Variants in PKD1L3 observed in about 807,000 individuals in gnomAD.
The protein encoded by PKD1L3 is polycystin 1 like 3, transient receptor potential channel interacting.
Under a neutral mutation model 184.1 loss-of-function variants are expected in PKD1L3, and 239 were observed. The observed-to-expected ratio is 1.30, with a 90% CI of 1.17 to 1.45. The LOEUF is 1.45. Among genes scored for constraint, PKD1L3 ranks in the 40% most tolerant of loss-of-function variants. The probability of loss-of-function intolerance (pLI) is 0.00; values close to 1 mark genes in which losing one functional copy is unlikely to be tolerated. For missense variants in PKD1L3, 2,660 were observed against 2,067.2 expected (o/e 1.29, Z -5.56); for synonymous variants, 996 against 778.8 (o/e 1.28, Z -4.64).
At chr16:71,944,240 G>T (rs1315299166) in intron 22 of PKD1L3, 70 bp from the exon 23 acceptor site, 2 of 1,382,158 alleles carry the variant, frequency 1.4e-6, no homozygotes, top group Non-Finnish European at 2.0e-6. Context: ...CATTCATTGA[G>T]CATCTACTGT....
intron 21 of PKD1L3, 105 bp from the exon 22 acceptor site, chr16:71,947,696 T>G (rs1597300108): frequency 1.4e-6 from 1 of 724,538 alleles, no homozygotes; most frequent in East Asian, 2.8e-5. Flanking sequence ...CTTCAATTAT[T>G]TGGCTCTTCA....
Position 71,951,666 on chromosome 16 carries a change from A to G in PKD1L3, c.3088T>C (p.Ser1030Pro). The stretch of plus-strand genomic sequence containing the variant: ...TTCACCAGCTTAGTAATGTCCCAAG[A>G]ACTCCATGGCGGCTGCTCACACTTG... ...LSKCEQPPWSSWDITKLVKLL... is the reference protein window; with the variant it reads ...LSKCEQPPWSPWDITKLVKLL... The change falls in exon 19 of 30, where the codon TCT (serine) becomes CCT (proline). Residue 1030 changes from serine (S) to proline (P), a missense_variant. Coordinates refer to ENST00000620267, the MANE Select transcript of PKD1L3 (RefSeq NM_181536.2). 2 of 1,551,708 alleles carry G rather than the reference A, an allele frequency of 1.3e-6. No homozygotes were observed. The highest frequency in any genetic ancestry group is 1.2e-5 in the South Asian group (1 of 84,066).
At chr16:71,960,469 A>G (rs1025631688) in intron 16 of PKD1L3, among the ~76,000 whole-genome samples, 1 of 152,146 alleles carries the variant, frequency 6.6e-6, no homozygotes, top group Non-Finnish European at 1.5e-5. Flanking sequence ...CAGTATGTCA[A>G]CTTTCTTTAG....
chr16:71,986,846 G>A (rs554448450), intron 4 of PKD1L3, among the ~76,000 whole-genome samples: 67 of 149,536 alleles, frequency 4.5e-4, no homozygotes, highest in African/African-American at 1.1e-3. Flanking sequence ...TACGTGCTAT[G>A]AAGAAAACAA....
rs775600113 is a variant in PKD1L3, at chr16:71,969,870, A to C, written c.2184+5T>G. 83 of 1,541,884 alleles carry C rather than the reference A, an allele frequency of 5.4e-5. No individual in the cohort carries two copies. The highest frequency in any genetic ancestry group is 7.0e-5 in the Non-Finnish European group (80 of 1,139,152). ...GCAAATCTGTTGAAATCAAAGTCTC[A>C]TTACCTTCTGCATATCTGCTTGATC... On this transcript the variant is annotated splice_donor_5th_base_variant and intron_variant, in intron 13 of 29. Coordinates refer to ENST00000620267, the MANE Select transcript of PKD1L3 (RefSeq NM_181536.2).
intron 3 of PKD1L3, among the ~76,000 whole-genome samples, chr16:71,991,951 G>T (rs984526349): frequency 2.0e-5 from 3 of 152,132 alleles, no homozygotes; most frequent in South Asian, 4.1e-4. Context: ...GAGACTATAG[G>T]CATGGACCAC....
intron 16 of PKD1L3, 76 bp downstream of exon 16, chr16:71,963,129 A>AAACAATTCAATCGTG (rs1277893372): frequency 7.4e-7 from 1 of 1,358,984 alleles, no homozygotes; most frequent in Non-Finnish European, 9.8e-7. Flanking sequence ...TTTGCATTAA[A>AAACAATTCAATCGTG]AACAATTCAA....
intron 27 of PKD1L3, 38 bp from the exon 28 acceptor site, chr16:71,933,559 G>A: frequency 3.5e-6 from 5 of 1,415,034 alleles, no homozygotes; most frequent in Non-Finnish European, 4.9e-6. Context: ...TGCAAGCCGA[G>A]CGCACATCTT....
chr16:71,946,309 G>A (rs1170334366), intron 22 of PKD1L3, among the ~76,000 whole-genome samples: 1 of 152,194 alleles, frequency 6.6e-6, no homozygotes, highest in Non-Finnish European at 1.5e-5. Context: ...ACCCCTCTGT[G>A]ATGGCATTCC....
chr16:71,952,015 T>G (rs1287678893), intron 18 of PKD1L3, among the ~76,000 whole-genome samples: 1 of 152,052 alleles, frequency 6.6e-6, no homozygotes, highest in East Asian at 1.9e-4. Context: ...AGTGGTACCA[T>G]GCACTCCCAT....
At chr16:71,960,187 A>G (rs867618145) in intron 16 of PKD1L3, among the ~76,000 whole-genome samples, 6 of 151,634 alleles carry the variant, frequency 4.0e-5, no homozygotes, top group Non-Finnish European at 8.8e-5. Flanking sequence ...AAACCAAAAA[A>G]AACTACAAAA....
At chr16:71,990,383 T>G (rs982334526) in intron 3 of PKD1L3, 54 bp from the exon 4 acceptor site, 3 of 1,413,526 alleles carry the variant, frequency 2.1e-6, no homozygotes, top group Non-Finnish European at 2.9e-6. Flanking sequence ...GACAGAAATA[T>G]TCGTTTTACT....
At chr16:71,989,815 G>A (rs1325938271) in intron 4 of PKD1L3, among the ~76,000 whole-genome samples, 7 of 152,086 alleles carry the variant, frequency 4.6e-5, no homozygotes, top group East Asian at 1.9e-4. Context: ...TGGCTCACAC[G>A]TGTAATCCCA....
intron 14 of PKD1L3, 101 bp downstream of exon 14, chr16:71,967,805 C>A (rs2039557993): frequency 7.3e-6 from 7 of 958,066 alleles, no homozygotes; most frequent in Non-Finnish European, 6.3e-6. Context: ...AATCTCTAGT[C>A]TCTTTTAAAG....
intron 13 of PKD1L3, among the ~76,000 whole-genome samples, chr16:71,968,300 C>T (rs1326387345): frequency 6.6e-6 from 1 of 152,146 alleles, no homozygotes; most frequent in Non-Finnish European, 1.5e-5. Flanking sequence ...GTACAGTCAC[C>T]AGATAACAGA....
chr16:71,990,109 TTGAA>T lies in PKD1L3; in HGVS notation c.585+167_585+170del, dbSNP rs576042048. Among the ~76,000 whole-genome samples, 661 of 150,430 alleles carry T rather than the reference TTGAA, an allele frequency of 4.4e-3. 3 individuals are homozygous for T. Among genetic ancestry groups the T allele is most frequent in the Non-Finnish European group, 7.0e-3 (473 of 67,578 alleles). On this transcript the variant is annotated intron_variant, in intron 4 of 29. Transcript: ENST00000620267. Reference sequence around the variant, plus strand: ...CCAAAAAAAAAAAAAAAAAAAATCCTTGAATGAAGTACCTATTAAATCCAATTTT... The same window carrying T: ...CCAAAAAAAAAAAAAAAAAAAATCCTTGAAGTACCTATTAAATCCAATTTT...
chr16:71,962,406 G>A (rs748107968), intron 16 of PKD1L3, among the ~76,000 whole-genome samples: 25 of 152,186 alleles, frequency 1.6e-4, no homozygotes, highest in Admixed American at 4.6e-4. Flanking sequence ...TACCTAGAAA[G>A]ATACAGAAGT....
At chr16:71,952,201 T>C (rs1233799717) in intron 18 of PKD1L3, among the ~76,000 whole-genome samples, 3 of 121,334 alleles carry the variant, frequency 2.5e-5, no homozygotes, top group Non-Finnish European at 5.3e-5. Context: ...TGTCATTTTT[T>C]TTTTTTTTTT....
chr16:71,969,765 G>T, intron 13 of PKD1L3, 110 bp downstream of exon 13: 2 of 913,196 alleles, frequency 2.2e-6, no homozygotes, highest in Non-Finnish European at 1.6e-6. Context: ...GAATTTCTAT[G>T]CCTCCCAGTA....
Sources: gnomAD v4.1 joint callset for allele counts (sites outside exome capture counted in the v4.1 genomes callset) on GRCh38, gnomAD v4.1.1 for gene constraint, MANE v1.5 for transcripts, NCBI Gene and HGNC (gene_info 2026-07-23, HGNC 2026-07-21) for gene names.